ST6GALNAC3: variants seen among roughly 807,000 people sequenced by gnomAD.
ST6GALNAC3 encodes alpha-N-acetylgalactosaminide alpha-2,6-sialyltransferase 3.
Under a neutral mutation model 32.7 loss-of-function variants are expected in ST6GALNAC3, and 25 were observed. The observed-to-expected ratio is 0.76, with a 90% CI of 0.56 to 1.07. The LOEUF (loss-of-function observed/expected upper bound fraction) is 1.07, where lower values mean the gene tolerates loss of function less well. Among genes scored for constraint, ST6GALNAC3 ranks in the 50% least tolerant of loss-of-function variants. ST6GALNAC3 has a pLI of 0.00. For synonymous variants in ST6GALNAC3, 129 were observed against 133.1 expected (o/e 0.97, Z 0.21); for missense variants, 355 against 382.4 (o/e 0.93, Z 0.60).
In ST6GALNAC3 at chr1:76,313,956, C is replaced by T; in HGVS notation, c.170C>T (p.Pro57Leu). The T allele has an allele frequency of 1.2e-6, 2 of 1,613,202 alleles. No homozygotes were observed. Among genetic ancestry groups the T allele is most frequent in the Non-Finnish European group, 1.7e-6 (2 of 1,179,532 alleles). ...CCATTCTCCTACACATACAGGCGGC[C>T]CCTTCGAACTCACTATGGATACATA... ...WIPFSYTYRR[P>L]LRTHYGYINV... Residue 57 changes from proline (P) to leucine (L), a missense_variant, in exon 2 of 5, where the codon CCC becomes CTC. By Grantham distance (98) the Pro-to-Leu change is moderately conservative. Coordinates refer to ENST00000328299, the MANE Select transcript of ST6GALNAC3 (RefSeq NM_152996.4).
Position 76,632,394 on chromosome 1 carries a change from G to C in ST6GALNAC3, c.*3588G>C, listed in dbSNP as rs1399670205. ...GTATTGTAGGTTCTGCCGATTGCAG[G>C]CTTAGCTAAAGTCACATTGAAAAAC... On this transcript the variant is annotated 3_prime_UTR_variant, in exon 5 of 5. Coordinates refer to ENST00000328299, the MANE Select transcript of ST6GALNAC3 (RefSeq NM_152996.4). 2 of 152,094 alleles carry C rather than the reference G, an allele frequency of 1.3e-5. No homozygotes were observed. The highest frequency in any genetic ancestry group is 6.6e-5 in the Admixed American group (1 of 15,266). The allele number at this position is 152,094 out of a possible 1,614,324, so 9.4% of individuals were successfully genotyped here.
chr1:76,479,872 A>G (rs1659609418), intron 3 of ST6GALNAC3, among the ~76,000 whole-genome samples: 1 of 152,238 alleles, frequency 6.6e-6, no homozygotes, highest in Non-Finnish European at 1.5e-5. Flanking sequence ...AAGATTTGCT[A>G]AACTTAAAAG....
chr1:76,458,033 T>A (rs1306145390), intron 3 of ST6GALNAC3, among the ~76,000 whole-genome samples: 2 of 146,840 alleles, frequency 1.4e-5, no homozygotes. Context: ...CCAACAAATT[T>A]ACAAGAAAAA....
At chr1:76,563,995 T>C (rs1011069126) in intron 3 of ST6GALNAC3, among the ~76,000 whole-genome samples, 17 of 152,128 alleles carry the variant, frequency 1.1e-4, no homozygotes, top group African/African-American at 3.9e-4. Context: ...TGCCAAGAAG[T>C]AGACAAGAGG....
At chr1:76,519,189 A>G (rs902545445) in intron 3 of ST6GALNAC3, among the ~76,000 whole-genome samples, 1 of 151,912 alleles carries the variant, frequency 6.6e-6, no homozygotes. Context: ...TTCCTCAAAT[A>G]TATCCTCAAA....
chr1:76,426,431 G>T (rs1386732568), intron 3 of ST6GALNAC3, among the ~76,000 whole-genome samples: 1 of 151,594 alleles, frequency 6.6e-6, no homozygotes, highest in Non-Finnish European at 1.5e-5. Context: ...TTCACATCTT[G>T]TCTCACTGGA....
intron 1 of ST6GALNAC3, among the ~76,000 whole-genome samples, chr1:76,120,051 C>G (rs1648766766): frequency 6.6e-6 from 1 of 152,270 alleles, no homozygotes; most frequent in Non-Finnish European, 1.5e-5. Context: ...GCAATGGACA[C>G]ATGAACAGAC....
chr1:76,629,859 A>G lies in ST6GALNAC3; in HGVS notation c.*1053A>G, dbSNP rs947432412. ...GTGTTTCTCCAAACATTACATTCTC[A>G]TTGCCAAGTGCCAGCTGTTACACAT... On this transcript the variant is annotated 3_prime_UTR_variant, in exon 5 of 5. Coordinates refer to ENST00000328299, the MANE Select transcript of ST6GALNAC3 (RefSeq NM_152996.4). 2.0e-6 allele frequency: 2 copies of G among 984,156 alleles called. No individual in the cohort carries two copies. The highest frequency in any genetic ancestry group is 3.5e-5 in the African/African-American group (2 of 57,158). The allele number at this position is 984,156 out of a possible 1,614,324, so 61.0% of individuals were successfully genotyped here.
chr1:76,088,326 C>T (rs760911136), intron 1 of ST6GALNAC3, among the ~76,000 whole-genome samples: 50 of 152,190 alleles, frequency 3.3e-4, no homozygotes, highest in Non-Finnish European at 4.3e-4. Context: ...CTATTACAAA[C>T]CATTCCAGTA....
At position 76,634,204 on chromosome 1, in the gene ST6GALNAC3, T is replaced by C. The variant is rs1455182179; in HGVS notation, c.*5398T>C. On this transcript the variant is annotated 3_prime_UTR_variant, in exon 5 of 5. Coordinates refer to ENST00000328299, the MANE Select transcript of ST6GALNAC3 (RefSeq NM_152996.4). The stretch of plus-strand genomic sequence containing the variant: ...CTTCCTTCCATAAAGGTGAAGAACA[T>C]CTTGATGAATAAACAGTCAACTACC... The C allele has an allele frequency of 4.1e-6, 4 of 972,490 alleles. No homozygotes were observed. Among genetic ancestry groups the C allele is most frequent in the Non-Finnish European group, 3.7e-6 (3 of 818,376 alleles). The allele number at this position is 972,490 out of a possible 1,614,324, so 60.2% of individuals were successfully genotyped here. A position where few individuals can be genotyped will look rare whatever the true frequency, so the allele number is the denominator to read the frequency against.
At position 76,564,311 on chromosome 1, in the gene ST6GALNAC3, T is replaced by C. The variant is rs1301124157; in HGVS notation, c.624-63141T>C. ...TTTGTTGTGATCTATTTTTTCATTCTATTTACTTTTAAACCTACTTTGTAT... is the reference window on the plus strand; with the variant it reads ...TTTGTTGTGATCTATTTTTTCATTCCATTTACTTTTAAACCTACTTTGTAT... On this transcript the variant is annotated intron_variant, in intron 3 of 4. Transcript: ENST00000328299. Among the ~76,000 whole-genome samples the C allele has an allele frequency of 1.3e-5, 2 of 152,260 alleles. 1 individual carries two copies.
intron 3 of ST6GALNAC3, among the ~76,000 whole-genome samples, chr1:76,456,398 G>A (rs911942588): frequency 2.0e-5 from 3 of 151,846 alleles, no homozygotes; most frequent in Admixed American, 6.6e-5. Flanking sequence ...CCAAGTTGGA[G>A]TGCAGTGGTG....
At chr1:76,499,233 T>G (rs529696322) in intron 3 of ST6GALNAC3, among the ~76,000 whole-genome samples, 2 of 152,198 alleles carry the variant, frequency 1.3e-5, no homozygotes, top group South Asian at 2.1e-4. Flanking sequence ...GGGGAAAAAC[T>G]GTTGGTGGGA....
intron 1 of ST6GALNAC3, among the ~76,000 whole-genome samples, chr1:76,239,904 C>G (rs962332580): frequency 6.6e-6 from 1 of 152,198 alleles, no homozygotes; most frequent in Non-Finnish European, 1.5e-5. Flanking sequence ...TAATCTTTTT[C>G]TTCTGAATTA....
Position 76,296,491 on chromosome 1 carries a change from A to G in ST6GALNAC3, c.19-17314A>G, listed in dbSNP as rs77888909. 5.7e-3 allele frequency among the ~76,000 whole-genome samples: 860 copies of G among 152,122 alleles called. 11 individuals carry two copies. Among genetic ancestry groups the G allele is most frequent in the African/African-American group, 0.02 (831 of 41,514 alleles). ...CTCCCATCGACCCTTCTCTTCTTCT[A>G]TTCGTCAATTCTCAATCTGCAAATT... On this transcript the variant is annotated intron_variant, in intron 1 of 4. Transcript: ENST00000328299.
intron 3 of ST6GALNAC3, among the ~76,000 whole-genome samples, chr1:76,466,391 C>T (rs138674736): frequency 6.6e-6 from 1 of 152,056 alleles, no homozygotes; most frequent in East Asian, 1.9e-4. Context: ...GCACATAGCT[C>T]CCTAGGGTTC....
chr1:76,140,900 G>A (rs191699026), intron 1 of ST6GALNAC3, among the ~76,000 whole-genome samples: 1 of 149,324 alleles, frequency 6.7e-6, no homozygotes, highest in Non-Finnish European at 1.5e-5. Flanking sequence ...GGCTTCCAAA[G>A]TGCTGGGATT....
At chr1:76,350,310 C>T (rs910163539) in intron 2 of ST6GALNAC3, among the ~76,000 whole-genome samples, 3 of 152,110 alleles carry the variant, frequency 2.0e-5, no homozygotes, top group Non-Finnish European at 4.4e-5. Flanking sequence ...GACAGGCGCA[C>T]ATCACTGTCC....
chr1:76,183,381 G>A (rs542492900), intron 1 of ST6GALNAC3, among the ~76,000 whole-genome samples: 2 of 152,082 alleles, frequency 1.3e-5, no homozygotes, highest in South Asian at 4.2e-4. Flanking sequence ...TTCAGAAATG[G>A]CTTTTTATGG....
Sources: gnomAD v4.1 joint callset for allele counts (sites outside exome capture counted in the v4.1 genomes callset) on GRCh38, gnomAD v4.1.1 for gene constraint, MANE v1.5 for transcripts, NCBI Gene and HGNC (gene_info 2026-07-23, HGNC 2026-07-21) for gene names.